GALNT17: variants seen among roughly 807,000 people sequenced by gnomAD.
The protein encoded by GALNT17 is polypeptide N-acetylgalactosaminyltransferase 17.
In GALNT17, 29 loss-of-function variants were observed where a neutral mutation model predicts 63.7. The observed-to-expected ratio is 0.46, with a 90% CI of 0.34 to 0.62. The LOEUF is 0.62. GALNT17 is among the 20% of genes least tolerant of loss of function. GALNT17 has a pLI of 0.01. For synonymous variants in GALNT17, 305 were observed against 318.3 expected (o/e 0.96, Z 0.45); for missense variants, 603 against 799.6 (o/e 0.75, Z 2.97).
chr7:71,500,281 T>G (rs1196192222), intron 5 of GALNT17, among the ~76,000 whole-genome samples: 1 of 152,196 alleles, frequency 6.6e-6, no homozygotes, highest in Non-Finnish European at 1.5e-5. Context: ...CCTCCCATAG[T>G]GTTTAGCGAA....
intron 6 of GALNT17, among the ~76,000 whole-genome samples, chr7:71,661,816 C>G (rs1790911657): frequency 6.6e-6 from 1 of 152,162 alleles, no homozygotes; most frequent in South Asian, 2.1e-4. Context: ...TCAATGCACA[C>G]TTAGTGTGCT....
chr7:71,137,781 C>T (rs941851426), intron 1 of GALNT17, among the ~76,000 whole-genome samples: 3 of 152,104 alleles, frequency 2.0e-5, no homozygotes, highest in Non-Finnish European at 2.9e-5. Flanking sequence ...CAAGTTTCAG[C>T]GTGTTTTCGT....
chr7:71,403,531 A>G (rs1793275081), intron 3 of GALNT17, among the ~76,000 whole-genome samples: 1 of 152,224 alleles, frequency 6.6e-6, no homozygotes, highest in African/African-American at 2.4e-5. Flanking sequence ...TTTGGATGCT[A>G]ATAAGAGCTG....
At chr7:71,323,791 C>G (rs1484023877) in intron 1 of GALNT17, among the ~76,000 whole-genome samples, 1 of 152,240 alleles carries the variant, frequency 6.6e-6, no homozygotes, top group East Asian at 1.9e-4. Flanking sequence ...TTTGGTCATT[C>G]AGCCGTCCAA....
intron 2 of GALNT17, among the ~76,000 whole-genome samples, chr7:71,353,927 C>A (rs1792233181): frequency 6.6e-6 from 1 of 152,114 alleles, no homozygotes; most frequent in South Asian, 2.1e-4. Flanking sequence ...ATCTGCTGGG[C>A]CTCCGGGGAG....
At chr7:71,527,802 G>T (rs150064013) in intron 5 of GALNT17, among the ~76,000 whole-genome samples, 1 of 152,060 alleles carries the variant, frequency 6.6e-6, no homozygotes, top group African/African-American at 2.4e-5. Flanking sequence ...CAGCACACAC[G>T]CATATACACA....
chr7:71,483,061 C>T (rs1229530988), intron 5 of GALNT17, among the ~76,000 whole-genome samples: 1 of 152,188 alleles, frequency 6.6e-6, no homozygotes, highest in Non-Finnish European at 1.5e-5. Context: ...CAGATCAGTA[C>T]TGGTCCAAGG....
At chr7:71,422,156 T>G (rs1786677803) in intron 5 of GALNT17, among the ~76,000 whole-genome samples, 1 of 151,708 alleles carries the variant, frequency 6.6e-6, no homozygotes, top group Non-Finnish European at 1.5e-5. Context: ...GAGGGCTGGG[T>G]CAGGAGGTCT....
intron 5 of GALNT17, among the ~76,000 whole-genome samples, chr7:71,546,408 C>T (rs188926316): frequency 2.0e-5 from 3 of 152,112 alleles, no homozygotes. Flanking sequence ...GTGATCCTTC[C>T]ACCTTGGCCT....
intron 9 of GALNT17, among the ~76,000 whole-genome samples, chr7:71,684,823 C>T (rs1791328217): frequency 6.6e-6 from 1 of 151,984 alleles, no homozygotes; most frequent in South Asian, 2.1e-4. Flanking sequence ...ACCACCACAC[C>T]CAGCTAATTT....
chr7:71,270,384 G>T (rs1418406382), intron 1 of GALNT17, among the ~76,000 whole-genome samples: 2 of 151,628 alleles, frequency 1.3e-5, no homozygotes, highest in African/African-American at 2.4e-5. Context: ...AATTAGCTGG[G>T]CGTGGTGGTG....
At chr7:71,415,477 T>C (rs1211602159) in intron 3 of GALNT17, among the ~76,000 whole-genome samples, 1 of 152,076 alleles carries the variant, frequency 6.6e-6, no homozygotes, top group Non-Finnish European at 1.5e-5. Context: ...AAGACTTACA[T>C]TGCATCCCAA....
intron 5 of GALNT17, among the ~76,000 whole-genome samples, chr7:71,543,748 G>T (rs1788932281): frequency 6.6e-6 from 1 of 151,102 alleles, no homozygotes; most frequent in African/African-American, 2.4e-5. Context: ...AAGAATTTCT[G>T]AGAGTTACTG....
At position 71,700,611 on chromosome 7, in the gene GALNT17, AAC is replaced by A. The variant is rs147111032; in HGVS notation, c.1501-10147_1501-10146del. On this transcript the variant is annotated intron_variant, in intron 9 of 10. Coordinates refer to ENST00000333538, the MANE Select transcript of GALNT17 (RefSeq NM_022479.3). ...TGAAAGCTATGCTTGGGTTCTCCAAAACACCACATTTCCTCTGGTCTCCAGGC... is the reference window on the plus strand; with the variant it reads ...TGAAAGCTATGCTTGGGTTCTCCAAAACCACATTTCCTCTGGTCTCCAGGC... 2.2e-3 allele frequency among the ~76,000 whole-genome samples: 336 copies of A among 152,190 alleles called. 1 individual carries two copies. The highest frequency in any genetic ancestry group is 7.3e-3 in the African/African-American group (305 of 41,518).
At chr7:71,282,872 G>A (rs1043631061) in intron 1 of GALNT17, among the ~76,000 whole-genome samples, 3 of 152,124 alleles carry the variant, frequency 2.0e-5, no homozygotes, top group Non-Finnish European at 4.4e-5. Flanking sequence ...TGGAGAATTC[G>A]CTAGGAGGGA....
chr7:71,268,994 G>T (rs550079289), intron 1 of GALNT17, among the ~76,000 whole-genome samples: 1 of 152,280 alleles, frequency 6.6e-6, no homozygotes, highest in East Asian at 1.9e-4. Context: ...GGCTGCCAAG[G>T]GCAGGTTCAA....
At chr7:71,308,187 G>T (rs137937183) in intron 1 of GALNT17, among the ~76,000 whole-genome samples, 2 of 152,084 alleles carry the variant, frequency 1.3e-5, no homozygotes, top group African/African-American at 2.4e-5. Flanking sequence ...TATTCTTGTC[G>T]TGGTGACTCA....
intron 1 of GALNT17, among the ~76,000 whole-genome samples, chr7:71,279,546 TA>T (rs1340430365): frequency 1.3e-5 from 2 of 152,130 alleles, no homozygotes; most frequent in South Asian, 4.2e-4. Context: ...GGATTCATCC[TA>T]ATCTAGTAGA....
chr7:71,315,598 T>C (rs1791485596), intron 1 of GALNT17, among the ~76,000 whole-genome samples: 1 of 152,176 alleles, frequency 6.6e-6, no homozygotes, highest in Non-Finnish European at 1.5e-5. Context: ...TTATTCCTCC[T>C]TTATAGGATA....
Sources: gnomAD v4.1 joint callset for allele counts (sites outside exome capture counted in the v4.1 genomes callset) on GRCh38, gnomAD v4.1.1 for gene constraint, MANE v1.5 for transcripts, NCBI Gene and HGNC (gene_info 2026-07-23, HGNC 2026-07-21) for gene names.